ATP8A2: variants seen among roughly 807,000 people sequenced by gnomAD.
The protein encoded by ATP8A2 is ATPase phospholipid transporting 8A2.
Under a neutral mutation model 165.6 loss-of-function variants are expected in ATP8A2, and 100 were observed. The ratio of observed to expected loss-of-function variants is 0.60; its 90% CI spans 0.51 to 0.71. The LOEUF is 0.71. ATP8A2 is among the 30% of genes least tolerant of loss of function. ATP8A2 has a pLI of 0.00. For missense variants in ATP8A2, 1,227 were observed against 1,479.5 expected (o/e 0.83, Z 2.80); for synonymous variants, 543 against 548.8 (o/e 0.99, Z 0.15).
At chr13:25,981,271 G>A (rs543347507) in intron 35 of ATP8A2, among the ~76,000 whole-genome samples, 3 of 152,090 alleles carry the variant, frequency 2.0e-5, no homozygotes, top group African/African-American at 7.3e-5. Flanking sequence ...CCAACAGTTT[G>A]TGTACACACT....
At chr13:25,397,380 A>G (rs980635005) in intron 1 of ATP8A2, among the ~76,000 whole-genome samples, 2 of 152,192 alleles carry the variant, frequency 1.3e-5, no homozygotes, top group Non-Finnish European at 2.9e-5. Context: ...CAAGTGGTTG[A>G]AATCCTGTGA....
intron 24 of ATP8A2, among the ~76,000 whole-genome samples, chr13:25,613,520 G>C (rs143392114): frequency 6.6e-6 from 1 of 152,120 alleles, no homozygotes; most frequent in Admixed American, 6.6e-5. Flanking sequence ...GTTGCCATGA[G>C]CCAAGATTGT....
In ATP8A2 at chr13:25,464,203, C is replaced by G. The variant is rs548071569; in HGVS notation, c.77-4774C>G. Reference sequence around the variant, plus strand: ...GCTAGATTATCTAAAATCCTGGGCACCTGGTGGTGATCTACAGGTGAATAG... The same window carrying G: ...GCTAGATTATCTAAAATCCTGGGCAGCTGGTGGTGATCTACAGGTGAATAG... On this transcript the variant is annotated intron_variant, in intron 1 of 36. Transcript: ENST00000381655. 5.9e-5 allele frequency among the ~76,000 whole-genome samples: 9 copies of G among 152,242 alleles called. No homozygotes were observed. In the South Asian group the frequency reaches 1.9e-3, roughly 32 times the overall value.
At chr13:25,635,685 G>A (rs1054301098) in intron 24 of ATP8A2, among the ~76,000 whole-genome samples, 1 of 152,112 alleles carries the variant, frequency 6.6e-6, no homozygotes, top group Non-Finnish European at 1.5e-5. Context: ...GGCATAGGAG[G>A]CCCTATAGGC....
At chr13:25,814,427 G>A (rs1036871034) in intron 27 of ATP8A2, among the ~76,000 whole-genome samples, 10 of 151,874 alleles carry the variant, frequency 6.6e-5, no homozygotes, top group Non-Finnish European at 1.5e-4. Flanking sequence ...TCCCCAAATA[G>A]CCAGAACAAT....
chr13:25,895,565 A>C (rs1244494876), intron 33 of ATP8A2, among the ~76,000 whole-genome samples: 4 of 152,078 alleles, frequency 2.6e-5, no homozygotes, highest in African/African-American at 9.7e-5. Flanking sequence ...GTTAGGGAGG[A>C]TTCCCTCTTT....
intron 10 of ATP8A2, among the ~76,000 whole-genome samples, chr13:25,547,840 T>C (rs2038700185): frequency 6.6e-6 from 1 of 152,222 alleles, no homozygotes; most frequent in Non-Finnish European, 1.5e-5. Flanking sequence ...TTGACCTGTT[T>C]CTATTTATAA....
intron 30 of ATP8A2, among the ~76,000 whole-genome samples, chr13:25,847,279 A>C (rs1172526489): frequency 4.6e-5 from 7 of 152,230 alleles, no homozygotes; most frequent in Admixed American, 2.6e-4. Flanking sequence ...ATCATAGTAC[A>C]TTGAAAATAT....
At chr13:25,782,275 C>T (rs1234255090) in intron 27 of ATP8A2, among the ~76,000 whole-genome samples, 2 of 152,204 alleles carry the variant, frequency 1.3e-5, no homozygotes, top group African/African-American at 4.8e-5. Context: ...AATAGATTGG[C>T]AGCTATGAGT....
intron 2 of ATP8A2, among the ~76,000 whole-genome samples, chr13:25,503,301 C>T (rs957257404): frequency 3.9e-5 from 6 of 152,130 alleles, no homozygotes; most frequent in Admixed American, 2.0e-4. Flanking sequence ...CAATGACATA[C>T]GCAAACAGAG....
At chr13:25,568,364 T>A (rs761108786) in intron 16 of ATP8A2, among the ~76,000 whole-genome samples, 2 of 152,232 alleles carry the variant, frequency 1.3e-5, no homozygotes, top group Non-Finnish European at 2.9e-5. Flanking sequence ...TATACGTATA[T>A]GATTTGGATA....
chr13:25,461,856 AGGAGGAGG>A (rs2137483390), intron 1 of ATP8A2, among the ~76,000 whole-genome samples: 1 of 150,236 alleles, frequency 6.7e-6, no homozygotes, highest in East Asian at 1.9e-4. Context: ...AAGAAGAAGG[AGGAGGAGG>A]AGGAGGAGGA....
At chr13:25,917,730 A>G (rs1302037844) in intron 33 of ATP8A2, among the ~76,000 whole-genome samples, 1 of 152,230 alleles carries the variant, frequency 6.6e-6, no homozygotes, top group Non-Finnish European at 1.5e-5. Flanking sequence ...ATAATTTACT[A>G]GAAAATTCTA....
intron 7 of ATP8A2, among the ~76,000 whole-genome samples, chr13:25,538,838 A>G (rs2038371940): frequency 6.6e-6 from 1 of 152,048 alleles, no homozygotes; most frequent in Non-Finnish European, 1.5e-5. Flanking sequence ...TTAATCACTC[A>G]TTGGATTTTA....
intron 33 of ATP8A2, among the ~76,000 whole-genome samples, chr13:25,907,264 G>A (rs1013675421): frequency 7.2e-5 from 11 of 151,852 alleles, no homozygotes; most frequent in South Asian, 2.1e-4. Context: ...TCACGCCACT[G>A]CACTCCAGCT....
At chr13:25,418,201 A>G (rs1196273122) in intron 1 of ATP8A2, among the ~76,000 whole-genome samples, 1 of 152,210 alleles carries the variant, frequency 6.6e-6, no homozygotes, top group Non-Finnish European at 1.5e-5. Context: ...GATGTGGAAT[A>G]ATGGGACTCT....
intron 33 of ATP8A2, among the ~76,000 whole-genome samples, chr13:25,934,339 G>A (rs908109328): frequency 1.3e-5 from 2 of 152,184 alleles, no homozygotes; most frequent in African/African-American, 4.8e-5. Flanking sequence ...TGTAGAGAAC[G>A]TGTACCTCAC....
At chr13:25,415,274 C>T (rs2034099928) in intron 1 of ATP8A2, among the ~76,000 whole-genome samples, 1 of 152,166 alleles carries the variant, frequency 6.6e-6, no homozygotes, top group Non-Finnish European at 1.5e-5. Context: ...AATCTTGGGG[C>T]AATGCTTGAC....
intron 33 of ATP8A2, among the ~76,000 whole-genome samples, chr13:25,873,197 A>G (rs1952725124): frequency 6.6e-6 from 1 of 152,190 alleles, no homozygotes; most frequent in Non-Finnish European, 1.5e-5. Flanking sequence ...CTCATCATTG[A>G]AAGGGTTTTG....
Sources: allele counts gnomAD v4.1 joint callset (sites outside exome capture counted in the v4.1 genomes callset), GRCh38; gene constraint gnomAD v4.1.1; transcripts MANE v1.5; gene names NCBI Gene and HGNC (gene_info 2026-07-23, HGNC 2026-07-21).